Variants in CADM1 observed in about 807,000 individuals in gnomAD.
CADM1 encodes the protein TSLC-1.
Under a neutral mutation model 53.1 loss-of-function variants are expected in CADM1, and 15 were observed. The observed-to-expected ratio is 0.28, with a 90% CI of 0.19 to 0.44. The LOEUF (loss-of-function observed/expected upper bound fraction) is 0.44. Among genes scored for constraint, CADM1 ranks in the 20% least tolerant of loss-of-function variants. The pLI, the probability that CADM1 is intolerant of heterozygous loss-of-function variation, is 1.00. For missense variants in CADM1, 434 were observed against 611.3 expected, an observed-to-expected ratio of 0.71 and a Z score of 3.06; for synonymous variants, 281 against 243.0, an observed-to-expected ratio of 1.16 and a Z score of -1.45.
intron 9 of CADM1, among the ~76,000 whole-genome samples, chr11:115,192,273 C>T (rs1030033031): frequency 2.6e-5 from 4 of 152,190 alleles, no homozygotes; most frequent in African/African-American, 9.6e-5. Flanking sequence ...GGAAGAAGAA[C>T]TTCCATCATG....
At chr11:115,203,330 C>T (rs1342297172) in intron 8 of CADM1, among the ~76,000 whole-genome samples, 1 of 151,918 alleles carries the variant, frequency 6.6e-6, no homozygotes, top group African/African-American at 2.4e-5. Flanking sequence ...TGTGTGAATG[C>T]TCAGTGGAAG....
At chr11:115,264,856 C>CA (rs1425136473) in intron 1 of CADM1, among the ~76,000 whole-genome samples, 2 of 152,174 alleles carry the variant, frequency 1.3e-5, no homozygotes, top group African/African-American at 2.4e-5. Context: ...CTTCTTTCCA[C>CA]ACCTACACAA....
intron 1 of CADM1, among the ~76,000 whole-genome samples, chr11:115,400,561 GATAT>G (rs111342034): frequency 7.7e-6 from 1 of 129,268 alleles, no homozygotes; most frequent in Non-Finnish European, 1.6e-5. Context: ...ATATGGTGGT[GATAT>G]ATATATATAT....
At chr11:115,399,466 T>G (rs1251027225) in intron 1 of CADM1, 4 of 152,118 alleles carry the variant, frequency 2.6e-5, no homozygotes, top group African/African-American at 9.7e-5. Flanking sequence ...ACCCTCAAAA[T>G]CCATCCATTT....
intron 1 of CADM1, among the ~76,000 whole-genome samples, chr11:115,260,298 A>G (rs1009662488): frequency 3.9e-5 from 6 of 152,226 alleles, no homozygotes; most frequent in Non-Finnish European, 7.3e-5. Context: ...TAATGATCCA[A>G]TGTGCAGAGA....
rs1938719658 is a variant in CADM1, at chr11:115,169,450, A to G, written c.*7024T>C. The G allele has an allele frequency of 2.6e-6, 1 of 377,404 alleles. No individual in the cohort carries two copies. Among genetic ancestry groups the G allele is most frequent in the Admixed American group, 3.4e-5 (1 of 29,354 alleles). 23.4% of individuals were successfully genotyped at this position (377,404 alleles called of 1,614,324 possible). On this transcript the variant is annotated 3_prime_UTR_variant, in exon 12 of 12. Transcript: ENST00000331581. ...GCTGTGAATGTTATACAATTTCAGC[A>G]GCAGCAATGGGCTTTGGCAGGGAAG...
chr11:115,293,306 G>T (rs889425159), intron 1 of CADM1, among the ~76,000 whole-genome samples: 1 of 152,112 alleles, frequency 6.6e-6, no homozygotes, highest in Non-Finnish European at 1.5e-5. Context: ...GGTGGCGGGC[G>T]CCTGTAGTCC....
At chr11:115,313,240 C>T (rs1231747998) in intron 1 of CADM1, among the ~76,000 whole-genome samples, 2 of 152,020 alleles carry the variant, frequency 1.3e-5, no homozygotes, top group Non-Finnish European at 2.9e-5. Flanking sequence ...CAATATCTTC[C>T]CAAATGAAGA....
At chr11:115,329,165 T>C (rs1945065564) in intron 1 of CADM1, among the ~76,000 whole-genome samples, 1 of 152,074 alleles carries the variant, frequency 6.6e-6, no homozygotes, top group Non-Finnish European at 1.5e-5. Context: ...GCAAGTTTTC[T>C]AGTTAGAAAA....
chr11:115,261,593 T>C (rs1010918755), intron 1 of CADM1, among the ~76,000 whole-genome samples: 1 of 152,244 alleles, frequency 6.6e-6, no homozygotes, highest in African/African-American at 2.4e-5. Context: ...AATTACTATC[T>C]TATGTGTCCG....
At chr11:115,235,882 A>C (rs889780256) in intron 3 of CADM1, among the ~76,000 whole-genome samples, 1 of 152,174 alleles carries the variant, frequency 6.6e-6, no homozygotes, top group African/African-American at 2.4e-5. Flanking sequence ...TAGTAGTATA[A>C]AGAGAGTCCT....
intron 1 of CADM1, among the ~76,000 whole-genome samples, chr11:115,400,353 A>C (rs1484598380): frequency 1.3e-5 from 2 of 151,034 alleles, no homozygotes; most frequent in African/African-American, 4.9e-5. Context: ...AGAATAAAAC[A>C]AAAAGCTCAG....
At chr11:115,258,150 C>CT (rs2135005825) in intron 1 of CADM1, among the ~76,000 whole-genome samples, 1 of 152,246 alleles carries the variant, frequency 6.6e-6, no homozygotes, top group African/African-American at 2.4e-5. Flanking sequence ...TCCATGAGGA[C>CT]TTTTCTCATG....
intron 1 of CADM1, among the ~76,000 whole-genome samples, chr11:115,286,341 C>T (rs1943729213): frequency 1.3e-5 from 2 of 152,126 alleles, no homozygotes; most frequent in African/African-American, 4.8e-5. Context: ...CACACTCACA[C>T]TCCAGAACAA....
intron 1 of CADM1, among the ~76,000 whole-genome samples, chr11:115,485,041 T>C (rs1477322701): frequency 6.6e-6 from 1 of 152,028 alleles, no homozygotes; most frequent in African/African-American, 2.4e-5. Context: ...CTAAGTCGAA[T>C]CCATTTGCTT....
Position 115,495,713 on chromosome 11 carries a change from CGT to C in CADM1, c.124+8556_124+8557del, listed in dbSNP as rs376200431. 3.9e-3 allele frequency among the ~76,000 whole-genome samples: 599 copies of C among 152,308 alleles called. 4 individuals carry two copies. Among genetic ancestry groups the C allele is most frequent in the African/African-American group, 0.014 (581 of 41,568 alleles). ...AGGCAGCTCTGCTCCCAAAGTCAAA[CGT>C]GTTGAAAACACTAGCTAATAAAGGC... is the stretch of plus-strand genomic sequence containing the variant. On this transcript the variant is annotated intron_variant, in intron 1 of 11. Transcript: ENST00000331581.
intron 1 of CADM1, among the ~76,000 whole-genome samples, chr11:115,426,676 ACT>A (rs1183220969): frequency 9.3e-5 from 14 of 150,678 alleles, no homozygotes; most frequent in Non-Finnish European, 1.5e-5. Context: ...CATCCATAAT[ACT>A]CTCTTCTTCA....
chr11:115,175,285 G>T lies in CADM1; in HGVS notation c.*1189C>A. The stretch of plus-strand genomic sequence containing the variant: ...TCTGAAGGAATGAAAGTTTCACACA[G>T]ATTCGAGTTGGAAATCCCAGCATGA... On this transcript the variant is annotated 3_prime_UTR_variant, in exon 12 of 12. Coordinates refer to ENST00000331581, the MANE Select transcript of CADM1 (RefSeq NM_001301043.2). 1 of 984,156 alleles carries T rather than the reference G, an allele frequency of 1.0e-6. No individual in the cohort carries two copies. Among genetic ancestry groups the T allele is most frequent in the Non-Finnish European group, 1.2e-6 (1 of 829,682 alleles). The allele number at this position is 984,156 out of a possible 1,614,324, so 61.0% of individuals were successfully genotyped here. A position where few individuals can be genotyped will look rare whatever the true frequency, so the allele number is the denominator to read the frequency against.
At chr11:115,479,142 T>G (rs1225355710) in intron 1 of CADM1, among the ~76,000 whole-genome samples, 2 of 152,160 alleles carry the variant, frequency 1.3e-5, no homozygotes, top group African/African-American at 2.4e-5. Flanking sequence ...TTGCTCTAAT[T>G]GCTTAATTAT....
Sources: gnomAD v4.1 joint callset for allele counts (sites outside exome capture counted in the v4.1 genomes callset) on GRCh38, gnomAD v4.1.1 for gene constraint, MANE v1.5 for transcripts, NCBI Gene and HGNC (gene_info 2026-07-23, HGNC 2026-07-21) for gene names.